The following DMD variants were observed in gnomAD, a reference collection of about 807,000 sequenced individuals.
DMD encodes mutant dystrophin.
A neutral mutation model predicts 330.1 loss-of-function variants in DMD; 63 were observed. That is an observed-to-expected ratio of 0.19 (90% CI 0.16 to 0.24). The LOEUF is 0.24. Ranked by LOEUF, DMD falls within the 10% of genes least tolerant of loss-of-function variation. The pLI, the probability that DMD is intolerant of heterozygous loss-of-function variation, is 1.00. For missense variants in DMD, 3,344 were observed against 2,684.1 expected, an observed-to-expected ratio of 1.25 and a Z score of -5.43; for synonymous variants, 1,223 against 959.8, an observed-to-expected ratio of 1.27 and a Z score of -5.07.
rs1465324931 is a variant in DMD at position 31,120,043 on chromosome X, A to T, written c.*1876T>A. ...TAATTAATTATTAATAATGGACAAA[A>T]CCCACTCTCCAAAAGCTAATTACAC... On this transcript the variant is annotated 3_prime_UTR_variant, in exon 79 of 79. Coordinates refer to ENST00000357033, the MANE Select transcript of DMD (RefSeq NM_004006.3). 1 of 110,615 alleles carries T rather than the reference A, an allele frequency of 9.0e-6. No individual in the cohort carries two copies. Among genetic ancestry groups the T allele is most frequent in the Non-Finnish European group, 1.9e-5 (1 of 52,620 alleles). 9.1% of individuals were successfully genotyped at this position (110,615 alleles called of 1,213,427 possible).
At chrX:31,476,424 C>T (rs1441969405) in intron 59 of DMD, among the ~76,000 whole-genome samples, 2 of 99,552 alleles carry the variant, frequency 2.0e-5, no homozygotes, top group African/African-American at 3.7e-5. Context: ...TATATATACA[C>T]ACACACACAC....
At chrX:31,129,391 T>C (rs1276238799) in intron 77 of DMD, among the ~76,000 whole-genome samples, 1 of 112,226 alleles carries the variant, frequency 8.9e-6, no homozygotes, top group East Asian at 2.8e-4. Context: ...CAATTTCAGC[T>C]CAATAATCTT....
chrX:32,414,363 A>C (rs1019343811), intron 29 of DMD, among the ~76,000 whole-genome samples: 1 of 112,189 alleles, frequency 8.9e-6, no homozygotes, highest in Non-Finnish European at 1.9e-5. Context: ...ATCAAGTTAG[A>C]GCACGTAACA....
intron 57 of DMD, among the ~76,000 whole-genome samples, chrX:31,494,456 AAC>A (rs1295497781): frequency 8.9e-6 from 1 of 111,804 alleles, no homozygotes; most frequent in Admixed American, 9.5e-5. Flanking sequence ...TAATGTATAA[AAC>A]ACAGAGTAAT....
At chrX:32,849,014 G>A (rs955515179) in intron 3 of DMD, among the ~76,000 whole-genome samples, 3 of 111,231 alleles carry the variant, frequency 2.7e-5, no homozygotes, top group African/African-American at 6.5e-5. Context: ...TGCATGTGCT[G>A]GGGAGTTGTA....
In DMD at chrX:32,697,475, G is replaced by A. The variant is rs182413810; in HGVS notation, c.960+395C>T. On this transcript the variant is annotated intron_variant, in intron 9 of 78. Coordinates refer to ENST00000357033, the MANE Select transcript of DMD (RefSeq NM_004006.3). ...CTTAGAATGTATGTATTTCCTTTAC[G>A]TAGATCCAGAAAAATCTCCCCAAAT... Among the ~76,000 whole-genome samples, 126 of 111,449 alleles carry A rather than the reference G, an allele frequency of 1.1e-3. 2 individuals are homozygous for A. The highest frequency in any genetic ancestry group is 3.8e-3 in the African/African-American group (116 of 30,706).
At chrX:32,585,265 T>C (rs2054102518) in intron 13 of DMD, among the ~76,000 whole-genome samples, 1 of 112,051 alleles carries the variant, frequency 8.9e-6, no homozygotes, top group South Asian at 3.7e-4. Flanking sequence ...TAATGTTCGA[T>C]AGCAGAGTAG....
At chrX:32,365,314 C>G in intron 34 of DMD, 115 bp from the exon 35 acceptor site, 1 of 697,670 alleles carries the variant, frequency 1.4e-6, no homozygotes, top group Admixed American at 2.8e-5. Context: ...AAACCTATAA[C>G]TATGTATTAA....
At chrX:31,452,882 GT>G (rs1292422284) in intron 59 of DMD, among the ~76,000 whole-genome samples, 1 of 111,834 alleles carries the variant, frequency 8.9e-6, no homozygotes, top group Admixed American at 9.5e-5. Context: ...CAAAGGAAAA[GT>G]TTTTATTTTT....
At chrX:31,315,460 A>C (rs987029996) in intron 62 of DMD, among the ~76,000 whole-genome samples, 12 of 112,708 alleles carry the variant, frequency 1.1e-4, no homozygotes, top group East Asian at 8.3e-4. Context: ...ATGCAGATTT[A>C]TTTGATGTGA....
At chrX:32,736,325 A>G (rs940438358) in intron 7 of DMD, among the ~76,000 whole-genome samples, 1 of 111,582 alleles carries the variant, frequency 9.0e-6, no homozygotes, top group African/African-American at 3.3e-5. Context: ...GTGGGACTGT[A>G]AACTAGTTCA....
chrX:33,325,058 A>G (rs996831811), intron 1 of DMD, among the ~76,000 whole-genome samples: 1 of 111,865 alleles, frequency 8.9e-6, no homozygotes, highest in African/African-American at 3.2e-5. Context: ...TGGCTAATAT[A>G]AGCCCACAAA....
chrX:31,121,992 T>C (rs1341936425), intron 78 of DMD, 62 bp from the exon 79 acceptor site: 14 of 881,180 alleles, frequency 1.6e-5, no homozygotes, highest in Admixed American at 4.4e-5. Context: ...AGCATCACTC[T>C]GTTTCTTTGC....
chrX:31,589,261 C>T (rs2076757763), intron 55 of DMD, among the ~76,000 whole-genome samples: 1 of 111,144 alleles, frequency 9.0e-6, no homozygotes, highest in African/African-American at 3.3e-5. Context: ...ATGTTTCCTT[C>T]CCCCTACCTG....
intron 1 of DMD, among the ~76,000 whole-genome samples, chrX:33,042,388 C>T (rs150224911): frequency 1.8e-5 from 2 of 112,172 alleles, no homozygotes; most frequent in African/African-American, 3.2e-5. Flanking sequence ...ACACAAAAGA[C>T]GAGCAGATGA....
chrX:31,664,144 T>C (rs1389918826), intron 53 of DMD, among the ~76,000 whole-genome samples: 1 of 111,465 alleles, frequency 9.0e-6, no homozygotes, highest in Non-Finnish European at 1.9e-5. Context: ...GCTTGAAATG[T>C]ATTTATGCAG....
At chrX:33,029,257 T>C (rs760028432) in intron 1 of DMD, among the ~76,000 whole-genome samples, 1 of 111,952 alleles carries the variant, frequency 8.9e-6, no homozygotes, top group East Asian at 2.8e-4. Flanking sequence ...AAATTTAGCC[T>C]TGGAACTGAA....
chrX:31,724,002 C>A (rs904893606), intron 52 of DMD, among the ~76,000 whole-genome samples: 1 of 112,074 alleles, frequency 8.9e-6, no homozygotes, highest in Non-Finnish European at 1.9e-5. Context: ...TCCTGTATCC[C>A]CTCTACCATC....
intron 44 of DMD, among the ~76,000 whole-genome samples, chrX:32,184,832 CT>C (rs78157427): frequency 0.071 from 4,280 of 60,601 alleles, 225 homozygotes; most frequent in African/African-American, 0.2. Flanking sequence ...CTACAGATGT[CT>C]TTTTTTTTTT....
Sources: gnomAD v4.1 joint callset for allele counts (sites outside exome capture counted in the v4.1 genomes callset) on GRCh38, gnomAD v4.1.1 for gene constraint, MANE v1.5 for transcripts, NCBI Gene and HGNC (gene_info 2026-07-23, HGNC 2026-07-21) for gene names.